GALNT13: variants seen among roughly 807,000 people sequenced by gnomAD.
GALNT13 encodes the protein UDP-GalNAc:polypeptide N-acetylgalactosaminyltransferase 13.
In GALNT13, 28 loss-of-function variants were observed where a neutral mutation model predicts 64.2. The observed-to-expected ratio is 0.44, with a 90% CI of 0.32 to 0.60. The LOEUF (loss-of-function observed/expected upper bound fraction) is 0.60, where lower values mean the gene tolerates loss of function less well. GALNT13 is among the 20% of genes least tolerant of loss of function. The pLI, the probability that GALNT13 is intolerant of heterozygous loss-of-function variation, is 0.05. For synonymous variants in GALNT13, 214 were observed against 224.6 expected (o/e 0.95, Z 0.42); for missense variants, 577 against 669.8 (o/e 0.86, Z 1.53).
the GALNT13 span, among the ~76,000 whole-genome samples, chr2:153,431,156 A>C: frequency 5.9e-5 from 9 of 152,074 alleles, no homozygotes. Flanking sequence ...TCAAAAAAAA[A>C]AAAAAACAAA....
At chr2:153,761,109 G>A in the GALNT13 span, among the ~76,000 whole-genome samples, 1 of 152,008 alleles carries the variant, frequency 6.6e-6, no homozygotes, top group Non-Finnish European at 1.5e-5. Flanking sequence ...CAGTCTATGT[G>A]TGGCCTTAAA....
At chr2:153,183,873 C>T in the GALNT13 span, among the ~76,000 whole-genome samples, 1 of 152,132 alleles carries the variant, frequency 6.6e-6, no homozygotes, top group African/African-American at 2.4e-5. Context: ...TTACTGTAGG[C>T]TTGTAGTATA....
chr2:153,363,412 C>CA, the GALNT13 span, among the ~76,000 whole-genome samples: 1 of 151,694 alleles, frequency 6.6e-6, no homozygotes, highest in Non-Finnish European at 1.5e-5. Context: ...GATAGAGACA[C>CA]AAAAAATCCT....
the GALNT13 span, among the ~76,000 whole-genome samples, chr2:153,608,807 T>C: frequency 6.8e-6 from 1 of 147,666 alleles, no homozygotes; most frequent in Non-Finnish European, 1.5e-5. Context: ...TTTTATTACA[T>C]ATAATATATA....
chr2:153,339,098 G>A, the GALNT13 span, among the ~76,000 whole-genome samples: 5 of 152,186 alleles, frequency 3.3e-5, no homozygotes, highest in Non-Finnish European at 5.9e-5. Context: ...ATGCAGATAT[G>A]TCTTGGACAT....
At chr2:154,128,477 C>G (rs1038491464) in intron 3 of GALNT13, among the ~76,000 whole-genome samples, 4 of 151,874 alleles carry the variant, frequency 2.6e-5, no homozygotes, top group Non-Finnish European at 5.9e-5. Context: ...TATTAACTAA[C>G]AGAAAATGTC....
intron 3 of GALNT13, among the ~76,000 whole-genome samples, chr2:154,059,728 A>G (rs978496173): frequency 9.4e-5 from 6 of 63,612 alleles, no homozygotes; most frequent in Non-Finnish European, 1.7e-4. Context: ...TATTTCCAGT[A>G]TGTTAAATAC....
intron 3 of GALNT13, among the ~76,000 whole-genome samples, chr2:154,136,188 A>T (rs1192419605): frequency 1.3e-5 from 2 of 152,198 alleles, no homozygotes; most frequent in African/African-American, 4.8e-5. Flanking sequence ...TTTTAAAGGA[A>T]AATATACAGA....
the GALNT13 span, among the ~76,000 whole-genome samples, chr2:153,766,810 A>G: frequency 6.6e-6 from 1 of 152,090 alleles, no homozygotes; most frequent in African/African-American, 2.4e-5. Flanking sequence ...TCTTGAAGCT[A>G]ATTAAACTTC....
At chr2:153,786,378 C>G in the GALNT13 span, among the ~76,000 whole-genome samples, 1 of 152,218 alleles carries the variant, frequency 6.6e-6, no homozygotes, top group Non-Finnish European at 1.5e-5. Flanking sequence ...CCAGTTGGGA[C>G]TCCTGGCTCA....
the GALNT13 span, among the ~76,000 whole-genome samples, chr2:153,533,717 G>GTTTTTA: frequency 4.2e-5 from 1 of 24,072 alleles, no homozygotes; most frequent in Admixed American, 4.8e-4. Flanking sequence ...ATATCCTGAG[G>GTTTTTA]TTTTTCTTTT....
At chr2:153,260,172 GA>G in the GALNT13 span, among the ~76,000 whole-genome samples, 1 of 151,938 alleles carries the variant, frequency 6.6e-6, no homozygotes, top group Admixed American at 6.6e-5. Context: ...TCTATGTCTT[GA>G]AAAGTTACTG....
At chr2:153,618,840 C>T in the GALNT13 span, among the ~76,000 whole-genome samples, 1 of 151,854 alleles carries the variant, frequency 6.6e-6, no homozygotes, top group Non-Finnish European at 1.5e-5. Context: ...GTAGCAACTT[C>T]TGCTCCTTTT....
chr2:153,523,277 T>C, the GALNT13 span, among the ~76,000 whole-genome samples: 1 of 152,160 alleles, frequency 6.6e-6, no homozygotes, highest in African/African-American at 2.4e-5. Context: ...ACTTTGTTCT[T>C]CTTACATATT....
chr2:154,121,143 C>A (rs868087600), intron 3 of GALNT13, among the ~76,000 whole-genome samples: 1 of 152,132 alleles, frequency 6.6e-6, no homozygotes, highest in Non-Finnish European at 1.5e-5. Context: ...ATTCTTCTTA[C>A]CCTTCTAAGT....
the GALNT13 span, among the ~76,000 whole-genome samples, chr2:153,691,678 C>T: frequency 2.0e-5 from 3 of 151,936 alleles, no homozygotes; most frequent in African/African-American, 7.3e-5. Context: ...TATCTGAAAA[C>T]CACAATATGA....
chr2:153,677,674 G>A, the GALNT13 span, among the ~76,000 whole-genome samples: 1 of 152,096 alleles, frequency 6.6e-6, no homozygotes, highest in Non-Finnish European at 1.5e-5. Context: ...CAAGGCTACA[G>A]TAAACCAAAC....
chr2:154,003,399 G>A (rs1474621430), intron 3 of GALNT13, among the ~76,000 whole-genome samples: 1 of 152,146 alleles, frequency 6.6e-6, no homozygotes, highest in East Asian at 1.9e-4. Flanking sequence ...GCGTTTACCA[G>A]CTGTGGCTTC....
chr2:153,922,359 G>C (rs1487166754), intron 2 of GALNT13, among the ~76,000 whole-genome samples: 1 of 152,128 alleles, frequency 6.6e-6, no homozygotes, highest in African/African-American at 2.4e-5. Context: ...AAAATCAAAA[G>C]AAAATATTAT....
Sources: allele counts gnomAD v4.1 joint callset (sites outside exome capture counted in the v4.1 genomes callset), GRCh38; gene constraint gnomAD v4.1.1; transcripts MANE v1.5; gene names NCBI Gene and HGNC (gene_info 2026-07-23, HGNC 2026-07-21).